The following HDAC9 variants were observed in gnomAD, a reference collection of about 807,000 sequenced individuals.
The protein encoded by HDAC9 is MEF-2 interacting transcription repressor (MITR) protein.
Under a neutral mutation model 139.4 loss-of-function variants are expected in HDAC9, and 41 were observed. The ratio of observed to expected loss-of-function variants is 0.29; its 90% CI spans 0.23 to 0.38. HDAC9 has a LOEUF of 0.38. Ranked by LOEUF, HDAC9 falls within the 10% of genes least tolerant of loss-of-function variation. The pLI is 1.00. For missense variants in HDAC9, 1,147 were observed against 1,297.0 expected (o/e 0.88, Z 1.78); for synonymous variants, 517 against 476.2 (o/e 1.09, Z -1.12).
chr7:18,426,861 T>G (rs1241587946), intron 1 of HDAC9, among the ~76,000 whole-genome samples: 1 of 152,172 alleles, frequency 6.6e-6, no homozygotes, highest in Middle Eastern at 3.2e-3. Context: ...AAGCAGACCA[T>G]TATTTCTGGA....
intron 19 of HDAC9, among the ~76,000 whole-genome samples, chr7:18,834,977 A>T (rs1796129482): frequency 6.6e-6 from 1 of 152,198 alleles, no homozygotes; most frequent in South Asian, 2.1e-4. Context: ...GCAAAATACT[A>T]GTTTGTAGTT....
intron 2 of HDAC9, among the ~76,000 whole-genome samples, chr7:18,270,635 G>A (rs904783400): frequency 4.6e-5 from 7 of 152,026 alleles, no homozygotes; most frequent in African/African-American, 1.7e-4. Flanking sequence ...GTATGTATGT[G>A]TATACATACG....
At chr7:18,614,396 G>A (rs1415019243) in intron 6 of HDAC9, among the ~76,000 whole-genome samples, 3 of 152,094 alleles carry the variant, frequency 2.0e-5, no homozygotes, top group Non-Finnish European at 2.9e-5. Flanking sequence ...TTCTGTCTCT[G>A]TTGTCTTCTT....
chr7:18,845,839 G>A (rs1004670919), intron 21 of HDAC9, among the ~76,000 whole-genome samples: 13 of 152,138 alleles, frequency 8.5e-5, no homozygotes, highest in Non-Finnish European at 1.8e-4. Context: ...TCCAGGCCTC[G>A]AAGGAAGAGA....
intron 24 of HDAC9, among the ~76,000 whole-genome samples, chr7:18,961,162 G>A (rs1783504396): frequency 6.6e-6 from 1 of 152,144 alleles, no homozygotes; most frequent in Admixed American, 6.6e-5. Flanking sequence ...AGAAGGACAA[G>A]AAGGTATTCC....
At chr7:18,690,977 A>G (rs953465743) in intron 12 of HDAC9, among the ~76,000 whole-genome samples, 1 of 152,018 alleles carries the variant, frequency 6.6e-6, no homozygotes, top group Non-Finnish European at 1.5e-5. Flanking sequence ...AACAAAAAAA[A>G]CTAATATTAT....
In HDAC9 at chr7:18,593,912, GC is replaced by G. The variant is rs1241091439; in HGVS notation, c.550del (p.His184ThrfsTer44). ...AAACTTCCTTGTCTTTTCTAGGGCTGCCCACCACACATCATTGGATCAAAGC... is the reference window on the plus strand; with the variant it reads ...AAACTTCCTTGTCTTTTCTAGGGCTGCCACCACACATCATTGGATCAAAGC... ...SRHPKLWYTA[A>X]HHTSLDQSSP... On this transcript the variant is annotated frameshift_variant, in exon 6 of 26. Coordinates refer to ENST00000686413, the MANE Select transcript of HDAC9 (RefSeq NM_178425.4). LOFTEE classifies it high-confidence loss of function. The G allele has an allele frequency of 6.2e-7, 1 of 1,612,586 alleles. No individual in the cohort carries two copies. The highest frequency in any genetic ancestry group is 1.1e-5 in the South Asian group (1 of 91,028).
intron 1 of HDAC9, among the ~76,000 whole-genome samples, chr7:18,399,579 G>A (rs1448609226): frequency 6.6e-6 from 1 of 152,170 alleles, no homozygotes; most frequent in Non-Finnish European, 1.5e-5. Flanking sequence ...GCACATCATA[G>A]CAACCAGGAA....
chr7:18,295,753 G>A (rs1798100331), intron 1 of HDAC9, among the ~76,000 whole-genome samples: 1 of 152,088 alleles, frequency 6.6e-6, no homozygotes, highest in Non-Finnish European at 1.5e-5. Context: ...GGGCAGTTTG[G>A]TACCCCAGAG....
rs1309036962 is a variant in HDAC9, at chr7:18,209,925, C to T, written c.25+47576C>T. ...CCATGTTAGCCAGGATGGTCTCGAT[C>T]TCCTGACCTCGTGATCCGCCCTCCT... On this transcript the variant is annotated intron_variant, in intron 2 of 12. Transcript: ENST00000417496. 2.6e-5 allele frequency among the ~76,000 whole-genome samples: 4 copies of T among 152,076 alleles called. No individual in the cohort carries two copies. In the South Asian group the frequency reaches 8.3e-4, roughly 32 times the overall value.
intron 9 of HDAC9, among the ~76,000 whole-genome samples, chr7:18,645,262 T>C (rs1268229716): frequency 2.0e-5 from 3 of 152,270 alleles, no homozygotes; most frequent in South Asian, 4.1e-4. Flanking sequence ...AGAATTTATT[T>C]TGTGAATGAG....
chr7:18,978,382 G>A (rs937233760), intron 25 of HDAC9, among the ~76,000 whole-genome samples: 8 of 152,030 alleles, frequency 5.3e-5, no homozygotes, highest in South Asian at 2.1e-4. Flanking sequence ...TTTTTTGTTC[G>A]TTTTTCTTGG....
intron 25 of HDAC9, among the ~76,000 whole-genome samples, chr7:18,991,299 A>G (rs775362293): frequency 3.3e-5 from 5 of 152,354 alleles, no homozygotes; most frequent in Admixed American, 3.3e-4. Context: ...ACGAACTAAT[A>G]TATGAATTAG....
At chr7:18,400,029 GGAAAAGTCA>G (rs1787394842) in intron 1 of HDAC9, among the ~76,000 whole-genome samples, 1 of 152,154 alleles carries the variant, frequency 6.6e-6, no homozygotes, top group South Asian at 2.1e-4. Flanking sequence ...AGAGCCCAAA[GGAAAAGTCA>G]GAAACCACAG....
At chr7:18,951,285 T>C (rs556008728) in intron 23 of HDAC9, among the ~76,000 whole-genome samples, 1 of 152,096 alleles carries the variant, frequency 6.6e-6, no homozygotes, top group South Asian at 2.1e-4. Flanking sequence ...ATCATGCCAA[T>C]ACATTATCAC....
chr7:18,822,237 C>T (rs1795030717), intron 17 of HDAC9, among the ~76,000 whole-genome samples: 1 of 152,194 alleles, frequency 6.6e-6, no homozygotes, highest in Admixed American at 6.5e-5. Context: ...AAAGGAGCCA[C>T]CATCCTGAGG....
At chr7:18,701,106 A>T (rs1278485636) in intron 12 of HDAC9, among the ~76,000 whole-genome samples, 1 of 152,134 alleles carries the variant, frequency 6.6e-6, no homozygotes, top group East Asian at 1.9e-4. Flanking sequence ...GTTTCTGCAA[A>T]ATTCATATTA....
chr7:18,206,557 T>TG (rs777299954), intron 2 of HDAC9, among the ~76,000 whole-genome samples: 2 of 152,068 alleles, frequency 1.3e-5, no homozygotes, highest in Non-Finnish European at 2.9e-5. Flanking sequence ...AAAGAAAAGG[T>TG]GGGGATGTGG....
chr7:18,146,782 G>A lies in HDAC9; in HGVS notation c.-96-15447G>A, dbSNP rs541166342. The stretch of plus-strand genomic sequence containing the variant: ...CAAGTTTAAGTTTTCCAGTTTAGGA[G>A]GAAAAGCATTCAAATCAGAAAACCC... On this transcript the variant is annotated intron_variant, in intron 1 of 12. Coordinates refer to the HDAC9 transcript ENST00000417496. 3.3e-5 allele frequency among the ~76,000 whole-genome samples: 5 copies of A among 152,198 alleles called. No individual in the cohort carries two copies. The East Asian group carries it at 9.7e-4, about 29-fold the overall frequency.
Sources: allele counts gnomAD v4.1 joint callset (sites outside exome capture counted in the v4.1 genomes callset), GRCh38; gene constraint gnomAD v4.1.1; transcripts MANE v1.5; gene names NCBI Gene and HGNC (gene_info 2026-07-23, HGNC 2026-07-21).